The following TAF1C variants were observed in gnomAD, a reference collection of about 807,000 sequenced individuals.
TAF1C encodes TATA-box binding protein associated factor, RNA polymerase I subunit C, also known as TATA box-binding protein-associated factor RNA polymerase I subunit C.
In TAF1C, 79 loss-of-function variants were observed where a neutral mutation model predicts 70.5. The ratio of observed to expected loss-of-function variants is 1.12; its 90% confidence interval spans 0.93 to 1.35. The LOEUF is 1.35. TAF1C is among the 40% of genes most tolerant of loss of function. The pLI is 0.00. For missense variants in TAF1C, 1,412 were observed against 1,127.8 expected, an observed-to-expected ratio of 1.25 and a Z score of -3.61; for synonymous variants, 614 against 491.1, an observed-to-expected ratio of 1.25 and a Z score of -3.31.
chr16:84,180,425 T>TGCACTCACCTGGAGAG, intron 12 of TAF1C, 81 bp from the exon 13 acceptor site: 1 of 1,414,014 alleles, frequency 7.1e-7, no homozygotes, highest in Non-Finnish European at 9.4e-7. Context: ...CATGTGGCTC[T>TGCACTCACCTGGAGAG]CCAGGTGAGT....
In TAF1C at chr16:84,181,129, T is replaced by G; in HGVS notation, c.1222A>C (p.Lys408Gln). 3.7e-6 allele frequency: 6 copies of G among 1,613,128 alleles called. No homozygotes were observed. Among genetic ancestry groups the G allele is most frequent in the Non-Finnish European group, 5.1e-6 (6 of 1,179,246 alleles). ...FRLGAEASCQ[K>Q]GERVLLTQYL... ...TGGGTAAGCAGGACACGTTCCCCTT[T>G]CTGGCACGAAGCCTCTGCCCCCAAA... Residue 408 changes from lysine to glutamine, a missense_variant, in exon 12 of 15, where the codon AAA becomes CAA. Lys to Gln is a moderately conservative substitution (Grantham distance 53). Coordinates refer to ENST00000566732, the MANE Select transcript of TAF1C (RefSeq NM_001243156.2).
intron 10 of TAF1C, 52 bp downstream of exon 10, chr16:84,181,540 A>G (rs2089193950): frequency 1.9e-6 from 3 of 1,613,704 alleles, no homozygotes; most frequent in Non-Finnish European, 2.5e-6. Flanking sequence ...CATGCTCAAC[A>G]GGGCGGAGTT....
At chr16:84,183,872 A>T in intron 2 of TAF1C, 94 bp from the exon 3 acceptor site, 1 of 922,996 alleles carries the variant, frequency 1.1e-6, no homozygotes, top group Non-Finnish European at 1.6e-6. Context: ...AACTCATCCA[A>T]TCCTCACAAC....
Position 84,183,464 on chromosome 16 carries a change from G to T in TAF1C, c.264C>A (p.Arg88=), listed in dbSNP as rs200603299. The change falls in exon 4 of 15, where the codon CGC becomes CGA. Residue 88 remains arginine (R), a synonymous_variant. Coordinates refer to ENST00000566732, the MANE Select transcript of TAF1C (RefSeq NM_001243156.2). ...GCCGCTTCCGATACCGGCACCCTCC[G>T]CGGAAAAGCAGGTCCCGGGCAGTCA... ...PGLTARDLLF[R]GGCRYRKRPR... 5.6e-6 allele frequency: 9 copies of T among 1,611,936 alleles called. No individual in the cohort carries two copies. In the African/African-American group the frequency reaches 1.1e-4, roughly 19 times the overall value.
intron 1 of TAF1C, among the ~76,000 whole-genome samples, chr16:84,186,538 G>C (rs1361023732): frequency 6.6e-6 from 1 of 152,206 alleles, no homozygotes. Context: ...GGGTGACAGA[G>C]CAAGGTTCTA....
At position 84,178,908 on chromosome 16, in the gene TAF1C, C is replaced by T. The variant is rs943997776; in HGVS notation, c.*33G>A. 4.5e-6 allele frequency: 7 copies of T among 1,547,294 alleles called. No individual in the cohort carries two copies. In the African/African-American group the frequency reaches 9.6e-5, roughly 21 times the overall value. On this transcript the variant is annotated 3_prime_UTR_variant, in exon 15 of 15. Transcript: ENST00000566732. ...GGTCCCAGAGGAAGGATGAGGGGCT[C>T]TCTGGGGCTTGAGGGCAGCCCACCT...
At position 84,184,945 on chromosome 16, in the gene TAF1C, C is replaced by A. The variant is rs954543454; in HGVS notation, c.44G>T (p.Gly15Val). The A allele has an allele frequency of 8.7e-6, 14 of 1,613,580 alleles. No homozygotes were observed. The highest frequency in any genetic ancestry group is 1.2e-5 in the Non-Finnish European group (14 of 1,179,864). ...AGGGACGTCGCTCAGACCAAGGGGG[C>A]CGGTCAGAAACAATGCAGGGCGGAG... ...SSLRPALFLT[G>V]PLGLSDVPDL... The change falls in exon 2 of 15, where the codon GGC becomes GTC. Residue 15 changes from glycine (G) to valine (V), a missense_variant. Physicochemically the swap from Gly to Val is moderately radical, Grantham distance 109. Transcript: ENST00000566732.
chr16:84,179,126 A>G lies in TAF1C; in HGVS notation c.2347T>C (p.Ser783Pro), dbSNP rs377451553. The G allele has an allele frequency of 6.2e-7, 1 of 1,608,112 alleles. No homozygotes were observed. Among genetic ancestry groups the G allele is most frequent in the African/African-American group, 1.3e-5 (1 of 74,962 alleles). ...TCACGGAGCATCTGCCGCTGCTCTG[A>G]TGGGACGCCCTGGGCGCATGCATCC... The part of the protein sequence containing the change: ...TPDACAQGVP[S>P]EQRQMLRDYM... The change falls in exon 15 of 15, where the codon TCA becomes CCA. Residue 783 changes from serine (S) to proline (P), a missense_variant. By Grantham distance (74) the Ser-to-Pro change is moderately conservative (BLOSUM62 -1). Transcript: ENST00000566732.
At chr16:84,180,619 G>T in intron 12 of TAF1C, 2 of 594,830 alleles carry the variant, frequency 3.4e-6, no homozygotes, top group Non-Finnish European at 5.5e-6. Flanking sequence ...GCAGAAACCT[G>T]CCTGGCCTTC....
At chr16:84,184,156 C>T (rs1374048806) in intron 2 of TAF1C, among the ~76,000 whole-genome samples, 1 of 152,210 alleles carries the variant, frequency 6.6e-6, no homozygotes, top group Non-Finnish European at 1.5e-5. Context: ...GCAGGCGGCT[C>T]CACCTCCCTT....
chr16:84,185,178 C>G (rs916839687), intron 1 of TAF1C, 118 bp from the exon 2 acceptor site: 2 of 595,986 alleles, frequency 3.4e-6, no homozygotes, highest in East Asian at 6.7e-5. Context: ...GCCAACCACC[C>G]GTCCAGGAGA....
intron 2 of TAF1C, 43 bp from the exon 3 acceptor site, chr16:84,183,821 C>A: frequency 6.7e-7 from 1 of 1,484,228 alleles, no homozygotes; most frequent in Non-Finnish European, 9.3e-7. Flanking sequence ...TGATGAATGC[C>A]CTCCCTGGGC....
Position 84,180,408 on chromosome 16 carries a change from C to T in TAF1C, c.1309-64G>A. The T allele has an allele frequency of 2.0e-6, 3 of 1,483,912 alleles. 1 individual carries two copies. In the South Asian group the frequency reaches 3.8e-5, roughly 19 times the overall value. 91.9% of individuals were successfully genotyped at this position (1,483,912 alleles called of 1,614,324 possible). On this transcript the variant is annotated intron_variant, in intron 12 of 14. Transcript: ENST00000566732. The stretch of plus-strand genomic sequence containing the variant: ...GGAGCTGAGCTGTGTAGTGGCCCTC[C>T]AGGCCCCATGTGGCTCTCCAGGTGA...
In TAF1C at chr16:84,180,694, G is replaced by A. The variant is rs1263649471; in HGVS notation, c.1308+349C>T. 1.5e-5 allele frequency: 13 copies of A among 870,654 alleles called. No individual in the cohort carries two copies. The African/African-American group carries it at 1.6e-4, about 11-fold the overall frequency. The allele number at this position is 870,654 out of a possible 1,614,324, so 53.9% of individuals were successfully genotyped here. On this transcript the variant is annotated intron_variant, in intron 12 of 14. Coordinates refer to ENST00000566732, the MANE Select transcript of TAF1C (RefSeq NM_001243156.2). ...TCGAGGCACGCCTACGAATGTCCCC[G>A]GGAGGGCGGGTGGAGGACAGACCTG...
Position 84,182,105 on chromosome 16 carries a change from G to GC in TAF1C, c.722-48dup, listed in dbSNP as rs1437928903. 1.3e-6 allele frequency: 2 copies of GC among 1,597,432 alleles called. No individual in the cohort carries two copies. Among genetic ancestry groups the GC allele is most frequent in the Non-Finnish European group, 8.5e-7 (1 of 1,170,410 alleles). On this transcript the variant is annotated intron_variant, in intron 7 of 14. Coordinates refer to ENST00000566732, the MANE Select transcript of TAF1C (RefSeq NM_001243156.2). This position sits in a 1 kb window ranked among gnomAD's most constrained non-coding sequence, Gnocchi z 5.0. ...AGTGCACGAGCTATGATCACTGCAAGCCCCCCAAATTCCTGCCCTTCTCTG... is the reference window on the plus strand; with the variant it reads ...AGTGCACGAGCTATGATCACTGCAAGCCCCCCCAAATTCCTGCCCTTCTCTG...
intron 2 of TAF1C, 65 bp from the exon 3 acceptor site, chr16:84,183,843 C>T (rs2151310699): frequency 1.6e-6 from 2 of 1,269,978 alleles, no homozygotes; most frequent in Non-Finnish European, 2.2e-6. Flanking sequence ...AGGCTGTGCA[C>T]AGGCATTCAT....
intron 14 of TAF1C, 31 bp downstream of exon 14, chr16:84,179,915 C>T (rs536685562): frequency 7.5e-6 from 12 of 1,601,698 alleles, no homozygotes; most frequent in East Asian, 2.2e-5. Flanking sequence ...TTCCACTGCG[C>T]CCCCCAAGCT....
chr16:84,184,205 G>T (rs1269100386), intron 2 of TAF1C, among the ~76,000 whole-genome samples: 2 of 152,200 alleles, frequency 1.3e-5, no homozygotes, highest in Non-Finnish European at 1.5e-5. Flanking sequence ...CAGACATTCA[G>T]GGGACAAAAG....
Position 84,179,027 on chromosome 16 carries a change from T to C in TAF1C, c.2446A>G (p.Ser816Gly). Residue 816 changes from serine to glycine, a missense_variant, in exon 15 of 15, where the codon AGC (serine) becomes GGC (glycine). Coordinates refer to ENST00000566732, the MANE Select transcript of TAF1C (RefSeq NM_001243156.2). Reference sequence around the variant, plus strand: ...TGCTGGGAGCGAGTGGCCCGGACGCTGGAGGCCTGGGAGTGGGGAGGTGTG... The same window carrying C: ...TGCTGGGAGCGAGTGGCCCGGACGCCGGAGGCCTGGGAGTGGGGAGGTGTG... ...ATTPPHSQAS[S>G]VRATRSQQHT... 2 of 1,610,794 alleles carry C rather than the reference T, an allele frequency of 1.2e-6. No individual in the cohort carries two copies. The highest frequency in any genetic ancestry group is 8.5e-7 in the Non-Finnish European group (1 of 1,179,940).
Sources: allele counts gnomAD v4.1 joint callset (sites outside exome capture counted in the v4.1 genomes callset), GRCh38; gene constraint gnomAD v4.1.1; non-coding constraint Gnocchi (gnomAD v3.1); transcripts MANE v1.5; gene names NCBI Gene and HGNC (gene_info 2026-07-23, HGNC 2026-07-21).